DOCK3: variants seen among roughly 807,000 people sequenced by gnomAD.
The protein encoded by DOCK3 is dedicator of cytokinesis 3.
In DOCK3, 60 loss-of-function variants were observed where a neutral mutation model predicts 265.6. That is an observed-to-expected ratio of 0.23 (90% CI 0.18 to 0.28). DOCK3 has a LOEUF of 0.28. DOCK3 is among the 10% of genes least tolerant of loss of function. The probability of loss-of-function intolerance (pLI) is 1.00; values close to 1 mark genes in which losing one functional copy is unlikely to be tolerated. For missense variants in DOCK3, 1,981 were observed against 2,594.3 expected, an observed-to-expected ratio of 0.76 and a Z score of 5.14; for synonymous variants, 881 against 938.0, an observed-to-expected ratio of 0.94 and a Z score of 1.11.
At chr3:50,727,946 A>G (rs560420700) in intron 1 of DOCK3, among the ~76,000 whole-genome samples, 1 of 152,324 alleles carries the variant, frequency 6.6e-6, no homozygotes, top group Admixed American at 6.5e-5. Context: ...TTTAAACCAC[A>G]CTATCAACCA....
rs1553618496 is a variant in DOCK3, at chr3:51,381,291, C to G, written c.5825C>G (p.Ser1942Cys). 6.2e-7 allele frequency: 1 copy of G among 1,613,758 alleles called. No homozygotes were observed. Among genetic ancestry groups the G allele is most frequent in the Non-Finnish European group, 8.5e-7 (1 of 1,179,880 alleles). Reference sequence around the variant, plus strand: ...CCTGTCCACTACAGCCTCTCTGAGTCTGCCGTCCTGGACTCCATCAAGGCC... The same window carrying G: ...CCTGTCCACTACAGCCTCTCTGAGTGTGCCGTCCTGGACTCCATCAAGGCC... ...YLPVHYSLSE[S>C]AVLDSIKAQP... Residue 1942 changes from serine to cysteine, a missense_variant, in exon 53 of 53, where the codon TCT becomes TGT. Physicochemically the swap from Ser to Cys is moderately radical, Grantham distance 112 (BLOSUM62 -1). Around this residue, in one of 4 missense-constraint regions of DOCK3, gnomAD observed 149 missense variants for 144.7 expected, o/e 1.03. Coordinates refer to ENST00000266037, the MANE Select transcript of DOCK3 (RefSeq NM_004947.5). This position sits in a 1 kb window ranked among gnomAD's most constrained non-coding sequence, Gnocchi z 5.6.
chr3:50,758,177 C>CAAA lies in DOCK3; in HGVS notation c.38-20481_38-20479dup, dbSNP rs771690340. ...TGGGCGACAGAGCGAGACTCTGTCT[C>CAAA]AAAAAAAAAAAAAAAAAAAGAAAAA... On this transcript the variant is annotated intron_variant, in intron 1 of 52. Coordinates refer to ENST00000266037, the MANE Select transcript of DOCK3 (RefSeq NM_004947.5). Among the ~76,000 whole-genome samples the CAAA allele has an allele frequency of 6.9e-3, 165 of 23,822 alleles. 35 individuals are homozygous for CAAA. The highest frequency in any genetic ancestry group is 0.033 in the African/African-American group (149 of 4,498). The allele number at this position is 23,822 out of a possible 152,430, so 15.6% of individuals were successfully genotyped here. A position where few individuals can be genotyped will look rare whatever the true frequency, so the allele number is the denominator to read the frequency against.
In DOCK3 at chr3:50,877,455, G is replaced by A. The variant is rs780725978; in HGVS notation, c.163-12571G>A. 3 of 519,948 alleles carry A rather than the reference G, an allele frequency of 5.8e-6. No homozygotes were observed. In the African/African-American group the frequency reaches 5.8e-5, roughly 10 times the overall value. 32.2% of individuals were successfully genotyped at this position (519,948 alleles called of 1,614,324 possible). On this transcript the variant is annotated intron_variant, in intron 3 of 52. Coordinates refer to ENST00000266037, the MANE Select transcript of DOCK3 (RefSeq NM_004947.5). The stretch of plus-strand genomic sequence containing the variant: ...GTGTGCTTTCCCTCACCACTTATAA[G>A]GCTGAGCCAAATCAGAATTTATTTC...
chr3:50,833,397 A>T (rs1439155331), intron 2 of DOCK3, among the ~76,000 whole-genome samples: 1 of 152,156 alleles, frequency 6.6e-6, no homozygotes, highest in African/African-American at 2.4e-5. Flanking sequence ...TCTTGGCCTG[A>T]TTATTTGTTT....
intron 5 of DOCK3, among the ~76,000 whole-genome samples, chr3:51,005,459 G>T (rs767727852): frequency 6.6e-6 from 1 of 152,034 alleles, no homozygotes; most frequent in Non-Finnish European, 1.5e-5. Flanking sequence ...AATGCATATT[G>T]CTTCCTTGAA....
chr3:51,341,280 G>A lies in DOCK3; in HGVS notation c.3810G>A (p.Trp1270Ter). ...TCCTTTACTGTGAGCTGCTGCAGTG[G>A]GAGGACCGGCCACTACGGGAATTCC... ...TLLLYCELLQ[W>*]EDRPLREFLH... Residue 1270 changes from tryptophan (W) to a stop codon, truncating the protein, a stop_gained, in exon 38 of 53, where the codon TGG (tryptophan) becomes TGA (stop). Transcript: ENST00000266037. LOFTEE classifies it high-confidence loss of function. 1 of 1,608,058 alleles carries A rather than the reference G, an allele frequency of 6.2e-7. No homozygotes were observed. The highest frequency in any genetic ancestry group is 8.5e-7 in the Non-Finnish European group (1 of 1,176,868).
chr3:51,004,661 C>A (rs573909490), intron 5 of DOCK3, among the ~76,000 whole-genome samples: 83 of 147,568 alleles, frequency 5.6e-4, no homozygotes, highest in African/African-American at 1.8e-3. Flanking sequence ...TAATTTTATT[C>A]TTTTCTCTCC....
At chr3:51,045,679 T>C (rs2080751128) in intron 5 of DOCK3, among the ~76,000 whole-genome samples, 1 of 152,212 alleles carries the variant, frequency 6.6e-6, no homozygotes, top group Admixed American at 6.5e-5. Flanking sequence ...TTTTGCAAAG[T>C]TGATGTAGCT....
At chr3:51,232,062 C>T (rs1363747554) in intron 19 of DOCK3, among the ~76,000 whole-genome samples, 1 of 152,158 alleles carries the variant, frequency 6.6e-6, no homozygotes, top group Non-Finnish European at 1.5e-5. Flanking sequence ...AATGTTCTTA[C>T]CTCTACCTTA....
chr3:51,011,763 C>A (rs1575752172), intron 5 of DOCK3, among the ~76,000 whole-genome samples: 1 of 152,132 alleles, frequency 6.6e-6, no homozygotes, highest in East Asian at 1.9e-4. Flanking sequence ...TTTTACCTAC[C>A]TTTGGTCTTT....
intron 9 of DOCK3, among the ~76,000 whole-genome samples, chr3:51,127,302 C>G (rs1017941900): frequency 2.0e-5 from 3 of 152,170 alleles, no homozygotes; most frequent in Non-Finnish European, 4.4e-5. Flanking sequence ...ACGATCAGTA[C>G]TTTGTATCCT....
intron 38 of DOCK3, among the ~76,000 whole-genome samples, chr3:51,345,769 CTT>C (rs1560474666): frequency 6.6e-6 from 1 of 152,192 alleles, no homozygotes; most frequent in African/African-American, 2.4e-5. Flanking sequence ...AAAATGTACT[CTT>C]TTGAGAAACA....
At chr3:51,028,210 T>C (rs1320561771) in intron 5 of DOCK3, among the ~76,000 whole-genome samples, 1 of 152,208 alleles carries the variant, frequency 6.6e-6, no homozygotes, top group East Asian at 1.9e-4. Flanking sequence ...CATGAAATCT[T>C]GGCTGGCATG....
chr3:50,948,556 C>G (rs893479312), intron 5 of DOCK3, among the ~76,000 whole-genome samples: 1 of 151,550 alleles, frequency 6.6e-6, no homozygotes, highest in Non-Finnish European at 1.5e-5. Context: ...AAACCCGGCT[C>G]TTTTCTTTTC....
intron 1 of DOCK3, among the ~76,000 whole-genome samples, chr3:50,713,549 A>G (rs1489821487): frequency 2.0e-5 from 3 of 152,298 alleles, no homozygotes; most frequent in South Asian, 2.1e-4. Context: ...AGAATTCACA[A>G]TCACATTCAG....
intron 12 of DOCK3, among the ~76,000 whole-genome samples, chr3:51,160,910 A>G (rs928777801): frequency 1.3e-5 from 2 of 151,848 alleles, no homozygotes; most frequent in Non-Finnish European, 2.9e-5. Context: ...CCTCGTCTCT[A>G]CTGAAAATAC....
At chr3:50,755,560 A>G (rs576936529) in intron 1 of DOCK3, among the ~76,000 whole-genome samples, 4 of 152,344 alleles carry the variant, frequency 2.6e-5, no homozygotes, top group Admixed American at 6.5e-5. Flanking sequence ...AAAATATACA[A>G]TACATTGGTT....
At chr3:51,068,560 A>AAAAGAAG (rs529031027) in intron 6 of DOCK3, among the ~76,000 whole-genome samples, 59,709 of 80,760 alleles carry the variant, frequency 0.74, 23,632 homozygotes, top group East Asian at 0.82. Flanking sequence ...AAAAAAAAAA[A>AAAAGAAG]AAGAAGAAGA....
intron 5 of DOCK3, among the ~76,000 whole-genome samples, chr3:50,937,383 G>A (rs1016473879): frequency 4.6e-5 from 7 of 151,936 alleles, no homozygotes; most frequent in Admixed American, 1.3e-4. Context: ...GGCTGGGCAC[G>A]GTGGCTCACG....
Sources: gnomAD v4.1 joint callset for allele counts (sites outside exome capture counted in the v4.1 genomes callset) on GRCh38, gnomAD v4.1.1 for gene constraint, gnomAD v4.1.1 regional missense constraint, Gnocchi (gnomAD v3.1) non-coding constraint, MANE v1.5 for transcripts, NCBI Gene and HGNC (gene_info 2026-07-23, HGNC 2026-07-21) for gene names.